Variants in IPO11 observed in about 807,000 individuals in gnomAD.
The protein encoded by IPO11 is importin 11, also known as importin-11.
Under a neutral mutation model 143.2 loss-of-function variants are expected in IPO11, and 66 were observed. The observed-to-expected ratio is 0.46, with a 90% CI of 0.38 to 0.57. The LOEUF is 0.57. Ranked by LOEUF, IPO11 falls within the 20% of genes least tolerant of loss-of-function variation. The pLI is 0.00. For missense variants in IPO11, 1,026 were observed against 1,141.0 expected (o/e 0.90, Z 1.45); for synonymous variants, 385 against 377.8 (o/e 1.02, Z -0.22).
chr5:62,565,712 C>T (rs919390019), intron 27 of IPO11, among the ~76,000 whole-genome samples: 6 of 151,796 alleles, frequency 4.0e-5, no homozygotes, highest in Non-Finnish European at 8.8e-5. Flanking sequence ...AGGTTTCAGC[C>T]CATCATCTGG....
chr5:62,573,242 A>ATCATAG (rs1744204218), intron 27 of IPO11, among the ~76,000 whole-genome samples: 4 of 152,102 alleles, frequency 2.6e-5, no homozygotes, highest in African/African-American at 9.7e-5. Context: ...TATGAGGGTA[A>ATCATAG]TCATAGTACC....
chr5:62,487,901 T>C (rs769098202), intron 13 of IPO11, 40 bp downstream of exon 13: 6 of 1,538,944 alleles, frequency 3.9e-6, no homozygotes, highest in Middle Eastern at 1.7e-4. Flanking sequence ...TTAATCTCTT[T>C]AACGTTTAGT....
At chr5:62,617,496 G>T (rs370925475) in intron 29 of IPO11, among the ~76,000 whole-genome samples, 15 of 152,218 alleles carry the variant, frequency 9.9e-5, no homozygotes, top group African/African-American at 3.6e-4. Context: ...CTAGCAGTCT[G>T]TTATTTTCTA....
At position 62,432,926 on chromosome 5, in the gene IPO11, T is replaced by C. The variant is rs192085718; in HGVS notation, c.-6-4348T>C. ...TTAAGCTGGCGACTGACGATGGATT[T>C]CTTTATTTTAAAGATTTGTTTCTTC... On this transcript the variant is annotated intron_variant, in intron 1 of 29. Transcript: ENST00000325324. 1.2e-4 allele frequency among the ~76,000 whole-genome samples: 18 copies of C among 152,344 alleles called. No individual in the cohort carries two copies. In the East Asian group the frequency reaches 3.3e-3, roughly 28 times the overall value.
chr5:62,418,658 G>T (rs1743384411), intron 1 of IPO11, among the ~76,000 whole-genome samples: 1 of 152,218 alleles, frequency 6.6e-6, no homozygotes, highest in African/African-American at 2.4e-5. Flanking sequence ...AACTTGAGCA[G>T]AATGGAATGC....
At position 62,530,789 on chromosome 5, in the gene IPO11, T is replaced by G. The variant is rs747942936; in HGVS notation, c.2089+4T>G. The G allele has an allele frequency of 6.2e-7, 1 of 1,600,808 alleles. No individual in the cohort carries two copies. The highest frequency in any genetic ancestry group is 8.6e-7 in the Non-Finnish European group (1 of 1,168,382). On this transcript the variant is annotated splice_donor_region_variant and intron_variant, in intron 22 of 29. Coordinates refer to ENST00000325324, the MANE Select transcript of IPO11 (RefSeq NM_016338.5). ...CAGAATATGTCACCACTTCTTGGTA[T>G]GTGTTAAAGCATAAACTTACTAATG...
intron 26 of IPO11, among the ~76,000 whole-genome samples, chr5:62,560,477 C>T (rs1743734744): frequency 1.3e-5 from 2 of 152,260 alleles, no homozygotes; most frequent in South Asian, 2.1e-4. Flanking sequence ...CTTTATTTAG[C>T]GTCAACTCAT....
Position 62,551,047 on chromosome 5 carries a change from T to C in IPO11, c.2347-176T>C, listed in dbSNP as rs190153914. Among the ~76,000 whole-genome samples the C allele has an allele frequency of 5.2e-3, 786 of 150,788 alleles. 8 individuals carry two copies. Among genetic ancestry groups the C allele is most frequent in the African/African-American group, 0.018 (755 of 41,086 alleles). ...TATATATATATATATATGGTGCATA[T>C]AATTCATATATGTATTTAGTAAGTT... On this transcript the variant is annotated intron_variant, in intron 25 of 29. Coordinates refer to ENST00000325324, the MANE Select transcript of IPO11 (RefSeq NM_016338.5).
chr5:62,496,623 A>G (rs2112247018), intron 16 of IPO11, among the ~76,000 whole-genome samples: 1 of 152,318 alleles, frequency 6.6e-6, no homozygotes, highest in African/African-American at 2.4e-5. Context: ...ATGCTAGCTA[A>G]TATAATGTGG....
At chr5:62,553,323 A>AGT (rs3077458) in intron 26 of IPO11, among the ~76,000 whole-genome samples, 6,075 of 119,148 alleles carry the variant, frequency 0.051, 248 homozygotes, top group East Asian at 0.22. Flanking sequence ...TATTCGTGTG[A>AGT]GTGTGTGTGT....
chr5:62,594,678 A>G (rs1426116272), intron 28 of IPO11, among the ~76,000 whole-genome samples: 1 of 152,346 alleles, frequency 6.6e-6, no homozygotes. Context: ...ATTAGCCATC[A>G]CACTAAGAAA....
At chr5:62,444,097 C>CTTTTTT (rs533439906) in intron 3 of IPO11, among the ~76,000 whole-genome samples, 2 of 139,202 alleles carry the variant, frequency 1.4e-5, no homozygotes, top group Non-Finnish European at 3.1e-5. Flanking sequence ...ATGTCTTTTT[C>CTTTTTT]TTTTTTTTTT....
chr5:62,584,757 T>G (rs976978606), intron 27 of IPO11, among the ~76,000 whole-genome samples: 4 of 151,628 alleles, frequency 2.6e-5, no homozygotes, highest in Non-Finnish European at 4.4e-5. Context: ...TTTGTTTTTT[T>G]TTTTTAAGTG....
intron 2 of IPO11, among the ~76,000 whole-genome samples, chr5:62,441,174 G>T (rs2112139948): frequency 6.6e-6 from 1 of 152,192 alleles, no homozygotes; most frequent in South Asian, 2.1e-4. Flanking sequence ...GTTGAGTTGA[G>T]ATTATTCACA....
intron 29 of IPO11, among the ~76,000 whole-genome samples, chr5:62,605,355 A>G (rs938256895): frequency 6.6e-5 from 10 of 152,188 alleles, no homozygotes; most frequent in Admixed American, 5.2e-4. Flanking sequence ...TCTATATTTT[A>G]TTTCAAATAA....
At chr5:62,608,702 C>T (rs1745820329) in intron 29 of IPO11, among the ~76,000 whole-genome samples, 1 of 152,202 alleles carries the variant, frequency 6.6e-6, no homozygotes, top group South Asian at 2.1e-4. Context: ...CAACCTCCCC[C>T]ACTGTCCACA....
chr5:62,579,793 T>G (rs766779080), intron 27 of IPO11: 1 of 1,543,670 alleles, frequency 6.5e-7, no homozygotes, highest in Non-Finnish European at 8.8e-7. Context: ...AAATAATAAT[T>G]TCATCAAACG....
intron 21 of IPO11, among the ~76,000 whole-genome samples, chr5:62,529,917 AT>A (rs1205528693): frequency 1.3e-5 from 2 of 152,132 alleles, no homozygotes; most frequent in Non-Finnish European, 2.9e-5. Flanking sequence ...TTAGTTTGTA[AT>A]TTGCGTTTGT....
intron 12 of IPO11, among the ~76,000 whole-genome samples, chr5:62,485,719 G>A (rs578010519): frequency 6.6e-5 from 10 of 151,848 alleles, no homozygotes; most frequent in Admixed American, 1.3e-4. Flanking sequence ...GAGTGGTGGC[G>A]CATACCTGTA....
Sources: allele counts gnomAD v4.1 joint callset (sites outside exome capture counted in the v4.1 genomes callset), GRCh38; gene constraint gnomAD v4.1.1; transcripts MANE v1.5; gene names NCBI Gene and HGNC (gene_info 2026-07-23, HGNC 2026-07-21).